The following TCF20 variants were observed in gnomAD, a reference collection of about 807,000 sequenced individuals.
TCF20 encodes the protein transcription factor 20, also known as SPRE-binding protein.
TCF20 carries 3 observed loss-of-function variants against 148.6 expected under a neutral mutation model. The ratio of observed to expected loss-of-function variants is 0.02; its 90% CI spans 0.01 to 0.05. The LOEUF is 0.05. Among genes scored for constraint, TCF20 ranks in the 10% least tolerant of loss-of-function variants. The pLI, the probability that TCF20 is intolerant of heterozygous loss-of-function variation, is 1.00. For synonymous variants in TCF20, 1,049 were observed against 909.5 expected (o/e 1.15, Z -2.76); for missense variants, 2,350 against 2,429.3 (o/e 0.97, Z 0.69).
intron 1 of TCF20, among the ~76,000 whole-genome samples, chr22:42,283,137 G>A (rs894330149): frequency 3.9e-5 from 6 of 152,234 alleles, no homozygotes; most frequent in African/African-American, 7.2e-5. Context: ...AATGAGCAAA[G>A]CCCTCGATCT....
chr22:42,309,024 G>A (rs114887836), intron 1 of TCF20, among the ~76,000 whole-genome samples: 2,236 of 152,176 alleles, frequency 0.015, 61 homozygotes, highest in African/African-American at 0.051. Flanking sequence ...GGTGCCTGCC[G>A]CCTGGTGCAG....
intron 1 of TCF20, among the ~76,000 whole-genome samples, chr22:42,332,467 C>T (rs753836235): frequency 1.4e-4 from 22 of 152,180 alleles, no homozygotes; most frequent in Middle Eastern, 3.4e-3. Context: ...GGAGAGTGAG[C>T]GGGAGAGTTC....
intron 1 of TCF20, among the ~76,000 whole-genome samples, chr22:42,236,437 C>T (rs188217549): frequency 1.3e-5 from 2 of 152,152 alleles, no homozygotes; most frequent in South Asian, 2.1e-4. Flanking sequence ...TGAAGAATGC[C>T]GACGGAGCGC....
At chr22:42,288,463 G>A (rs1321125069), upstream of TCF20, among the ~76,000 whole-genome samples, 1 of 150,630 alleles carries the variant, frequency 6.6e-6, no homozygotes, top group African/African-American at 2.5e-5. Flanking sequence ...TTAAACCCAG[G>A]AGGTGGAGGC....
In TCF20 at chr22:42,160,434, C is replaced by T. The variant is rs972771714; in HGVS notation, c.*969G>A. 6.6e-6 allele frequency: 1 copy of T among 152,666 alleles called. No homozygotes were observed. The highest frequency in any genetic ancestry group is 2.4e-5 in the African/African-American group (1 of 41,428). The allele number at this position is 152,666 out of a possible 1,614,324, so 9.5% of individuals were successfully genotyped here. A position where few individuals can be genotyped will look rare whatever the true frequency, so the allele number is the denominator to read the frequency against. ...GCTCTGGCAACACAGGCCTGGACCT[C>T]CTCCCATCCCCACGGGTCCCTGTGG... On this transcript the variant is annotated 3_prime_UTR_variant, in exon 6 of 6. Coordinates refer to ENST00000677622, the MANE Select transcript of TCF20 (RefSeq NM_001378418.1).
chr22:42,162,398 G>A (rs899115965), intron 5 of TCF20, among the ~76,000 whole-genome samples: 3 of 152,134 alleles, frequency 2.0e-5, no homozygotes, highest in Non-Finnish European at 2.9e-5. Context: ...TCAGGAACCT[G>A]AGACCCCTAG....
At chr22:42,194,230 G>A (rs1937483032) in intron 2 of TCF20, among the ~76,000 whole-genome samples, 1 of 152,118 alleles carries the variant, frequency 6.6e-6, no homozygotes. Flanking sequence ...ATTTTTTGTT[G>A]GCATATTCAC....
chr22:42,162,704 A>G (rs114461735), intron 5 of TCF20, among the ~76,000 whole-genome samples: 3,961 of 152,190 alleles, frequency 0.026, 170 homozygotes, highest in African/African-American at 0.09. Flanking sequence ...CTCAAGACCA[A>G]TTTGGTGCCC....
chr22:42,176,223 T>C (rs929915892), intron 3 of TCF20, among the ~76,000 whole-genome samples: 1 of 152,228 alleles, frequency 6.6e-6, no homozygotes, highest in Non-Finnish European at 1.5e-5. Context: ...AGCATTATCT[T>C]CTCTACCTCT....
intron 2 of TCF20, among the ~76,000 whole-genome samples, chr22:42,200,748 A>G (rs1478554242): frequency 1.3e-5 from 2 of 151,790 alleles, no homozygotes; most frequent in African/African-American, 2.4e-5. Context: ...GGTCCTTACC[A>G]GCTCTTGCAC....
chr22:42,246,540 C>T (rs1924921210), intron 1 of TCF20, among the ~76,000 whole-genome samples: 2 of 152,186 alleles, frequency 1.3e-5, no homozygotes, highest in African/African-American at 4.8e-5. Context: ...GCCTTTTTCT[C>T]GTACGTGTTT....
At chr22:42,202,611 AC>A (rs753989292) in intron 2 of TCF20, among the ~76,000 whole-genome samples, 5 of 152,210 alleles carry the variant, frequency 3.3e-5, no homozygotes, top group Non-Finnish European at 7.3e-5. Context: ...CTCTTCTCAT[AC>A]GTTTTTCCAA....
intron 1 of TCF20, among the ~76,000 whole-genome samples, chr22:42,303,838 A>G (rs1569205032): frequency 7.3e-6 from 1 of 137,422 alleles, no homozygotes; most frequent in African/African-American, 2.7e-5. Flanking sequence ...AGCTAGGGAC[A>G]GGGAGGGAGG....
intron 1 of TCF20, among the ~76,000 whole-genome samples, chr22:42,241,719 C>G (rs1254993126): frequency 6.6e-6 from 1 of 151,896 alleles, no homozygotes; most frequent in Non-Finnish European, 1.5e-5. Context: ...CCCAGCTACT[C>G]GAGAGGTTAA....
intron 1 of TCF20, among the ~76,000 whole-genome samples, chr22:42,332,781 A>C (rs1927999464): frequency 6.6e-6 from 1 of 152,212 alleles, no homozygotes; most frequent in Non-Finnish European, 1.5e-5. Context: ...CCAATTTCTG[A>C]TAAAGCAACT....
At chr22:42,307,054 A>AG (rs1356422005) in intron 1 of TCF20, among the ~76,000 whole-genome samples, 1 of 151,046 alleles carries the variant, frequency 6.6e-6, no homozygotes, top group East Asian at 1.9e-4. Flanking sequence ...AAAAAAAAAA[A>AG]AAAAAAAAGA....
In TCF20 at chr22:42,317,184, T is replaced by C. The variant is rs1011420313; in HGVS notation, c.-37+26295A>G. Among the ~76,000 whole-genome samples, 1 of 151,956 alleles carries C rather than the reference T, an allele frequency of 6.6e-6. No homozygotes were observed. The highest frequency in any genetic ancestry group is 1.5e-5 in the Non-Finnish European group (1 of 67,996). The stretch of plus-strand genomic sequence containing the variant: ...CCCCACCTTCCCCGCCCGCCCTCAC[T>C]CGGCACACCCTCAACATTTGCTGAA... On this transcript the variant is annotated intron_variant, in intron 1 of 1. Coordinates refer to the TCF20 transcript ENST00000515426. This position sits in a 1 kb window ranked among gnomAD's most constrained non-coding sequence, Gnocchi z 4.2.
chr22:42,181,113 T>C (rs970506299), intron 2 of TCF20, among the ~76,000 whole-genome samples: 3 of 152,200 alleles, frequency 2.0e-5, no homozygotes, highest in African/African-American at 7.2e-5. Flanking sequence ...CATCTCAGAA[T>C]CAAAAGGACT....
intron 1 of TCF20, among the ~76,000 whole-genome samples, chr22:42,254,076 CAAAAAAAAA>C (rs528387021): frequency 4.5e-4 from 24 of 53,590 alleles, no homozygotes; most frequent in South Asian, 8.3e-4. Flanking sequence ...AACTCCCTTT[CAAAAAAAAA>C]AAAAAAAAAA....
Sources: gnomAD v4.1 joint callset for allele counts (sites outside exome capture counted in the v4.1 genomes callset) on GRCh38, gnomAD v4.1.1 for gene constraint, Gnocchi (gnomAD v3.1) non-coding constraint, MANE v1.5 for transcripts, NCBI Gene and HGNC (gene_info 2026-07-23, HGNC 2026-07-21) for gene names.